MYO1E: variants seen among roughly 807,000 people sequenced by gnomAD.
The protein encoded by MYO1E is unconventional myosin-Ie.
A neutral mutation model predicts 151.1 loss-of-function variants in MYO1E; 68 were observed. The ratio of observed to expected loss-of-function variants is 0.45; its 90% confidence interval spans 0.37 to 0.55. MYO1E has a LOEUF of 0.55. Ranked by LOEUF, MYO1E falls within the 20% of genes least tolerant of loss-of-function variation. MYO1E has a pLI of 0.00. For synonymous variants in MYO1E, 601 were observed against 501.7 expected (o/e 1.20, Z -2.64); for missense variants, 1,363 against 1,389.3 (o/e 0.98, Z 0.30).
intron 4 of MYO1E, among the ~76,000 whole-genome samples, chr15:59,239,103 G>A (rs1273991306): frequency 6.6e-6 from 1 of 151,346 alleles, no homozygotes; most frequent in Admixed American, 6.6e-5. Flanking sequence ...CTACTCAGGA[G>A]GCTGAGGCAG....
Position 59,227,600 on chromosome 15 carries a change from A to C in MYO1E, c.511-10T>G. 1 of 1,614,064 alleles carries C rather than the reference A, an allele frequency of 6.2e-7. No individual in the cohort carries two copies. Among genetic ancestry groups the C allele is most frequent in the South Asian group, 1.1e-5 (1 of 91,086 alleles). On this transcript the variant is annotated splice_polypyrimidine_tract_variant and intron_variant, in intron 6 of 27. Transcript: ENST00000288235. ...TTTCAAAGTATTTTCCCTGCAAGAAAGTTAGGGATTTCCTTCAATGGTTGG... is the reference window on the plus strand; with the variant it reads ...TTTCAAAGTATTTTCCCTGCAAGAACGTTAGGGATTTCCTTCAATGGTTGG...
Position 59,163,217 on chromosome 15 carries a change from A to G in MYO1E, c.2567T>C (p.Leu856Pro). The part of the protein sequence containing the change: ...ESVFKTEFLS[L>P]LAKRYEEKTQ... ...CTTCTCCTCGTAACGCTTTGCTAAGAGGCTTAGGAATTCAGTTTTGAAGAC... is the reference window on the plus strand; with the variant it reads ...CTTCTCCTCGTAACGCTTTGCTAAGGGGCTTAGGAATTCAGTTTTGAAGAC... Residue 856 changes from leucine (L) to proline (P), a missense_variant, in exon 23 of 28, where the codon CTC becomes CCC. Leu to Pro is a moderately conservative substitution (Grantham distance 98). Transcript: ENST00000288235. The G allele has an allele frequency of 6.2e-7, 1 of 1,614,166 alleles. No homozygotes were observed. Among genetic ancestry groups the G allele is most frequent in the Non-Finnish European group, 8.5e-7 (1 of 1,179,998 alleles).
chr15:59,365,031 T>C (rs2080905234), intron 1 of MYO1E, among the ~76,000 whole-genome samples: 1 of 150,620 alleles, frequency 6.6e-6, no homozygotes, highest in Non-Finnish European at 1.5e-5. Flanking sequence ...AATTTCTTTT[T>C]CTTTTTTTTT....
intron 26 of MYO1E, among the ~76,000 whole-genome samples, chr15:59,141,738 C>T (rs1290166005): frequency 7.2e-6 from 1 of 139,000 alleles, no homozygotes; most frequent in African/African-American, 2.8e-5. Context: ...ATGGAGGTTA[C>T]AGTGAGTCGA....
chr15:59,160,110 A>G (rs1443649482), intron 24 of MYO1E, among the ~76,000 whole-genome samples: 1 of 152,200 alleles, frequency 6.6e-6, no homozygotes, highest in Non-Finnish European at 1.5e-5. Flanking sequence ...TGCAGGGATT[A>G]TAGGCATGAG....
intron 20 of MYO1E, 56 bp downstream of exon 20, chr15:59,174,070 G>A: frequency 1.3e-6 from 2 of 1,531,356 alleles, no homozygotes; most frequent in South Asian, 1.1e-5. Context: ...CTTCACTTAA[G>A]CTCCAATTTA....
intron 18 of MYO1E, among the ~76,000 whole-genome samples, chr15:59,182,955 G>C (rs190434542): frequency 3.9e-4 from 60 of 152,276 alleles, no homozygotes; most frequent in African/African-American, 1.4e-3. Context: ...CAAAAGGAGC[G>C]CACAAGCTAG....
Position 59,231,750 on chromosome 15 carries a change from C to T in MYO1E, c.462G>A (p.Glu154=). 2 of 1,614,182 alleles carry T rather than the reference C, an allele frequency of 1.2e-6. No individual in the cohort carries two copies. Among genetic ancestry groups the T allele is most frequent in the Non-Finnish European group, 1.7e-6 (2 of 1,180,040 alleles). The stretch of plus-strand genomic sequence containing the variant: ...GGACGGTCTTGGCGTTCCCGAAGGC[C>T]TCCAGCAGCGGGTTGGACTGCAGGA... ...DIILQSNPLL[E]AFGNAKTVRN... The change falls in exon 6 of 28, where the codon GAG becomes GAA. Residue 154 remains glutamate, a synonymous_variant. Coordinates refer to ENST00000288235, the MANE Select transcript of MYO1E (RefSeq NM_004998.4).
chr15:59,224,257 A>G (rs2079974531), intron 8 of MYO1E, among the ~76,000 whole-genome samples: 1 of 147,408 alleles, frequency 6.8e-6, no homozygotes, highest in Admixed American at 7.0e-5. Flanking sequence ...ACAGAGGGGA[A>G]GAGAGTCTTC....
Position 59,300,871 on chromosome 15 carries a change from T to C in MYO1E, c.4-28422A>G, listed in dbSNP as rs565793877. Reference sequence around the variant, plus strand: ...TTCTTTTTTTCCTTTTTTTTCTTTTTTTTTTTTTTTTTTTGAGACAGAGTA... The same window carrying C: ...TTCTTTTTTTCCTTTTTTTTCTTTTCTTTTTTTTTTTTTTGAGACAGAGTA... On this transcript the variant is annotated intron_variant, in intron 1 of 27. Coordinates refer to ENST00000288235, the MANE Select transcript of MYO1E (RefSeq NM_004998.4). 7.6e-4 allele frequency among the ~76,000 whole-genome samples: 111 copies of C among 146,880 alleles called. 1 individual carries two copies. The East Asian group carries it at 0.016, about 21-fold the overall frequency.
intron 10 of MYO1E, among the ~76,000 whole-genome samples, chr15:59,216,817 C>A (rs1278837081): frequency 6.6e-6 from 1 of 151,056 alleles, no homozygotes; most frequent in African/African-American, 2.4e-5. Flanking sequence ...GCCTCATTCC[C>A]CTCCCCTTAA....
At chr15:59,228,784 C>T (rs1458061410) in intron 6 of MYO1E, among the ~76,000 whole-genome samples, 3 of 152,156 alleles carry the variant, frequency 2.0e-5, no homozygotes, top group Non-Finnish European at 4.4e-5. Context: ...ATGTCTGTGA[C>T]TGGAGCTGTA....
At position 59,135,298 on chromosome 15, in the gene MYO1E, A is replaced by AATC. The variant is rs1228778670; in HGVS notation, c.*2079_*2081dup. 1 of 152,190 alleles carries AATC rather than the reference A, an allele frequency of 6.6e-6. No homozygotes were observed. The highest frequency in any genetic ancestry group is 2.4e-5 in the African/African-American group (1 of 41,432). The allele number at this position is 152,190 out of a possible 1,614,324, so 9.4% of individuals were successfully genotyped here. A position where few individuals can be genotyped will look rare whatever the true frequency, so the allele number is the denominator to read the frequency against. On this transcript the variant is annotated 3_prime_UTR_variant, in exon 28 of 28. Transcript: ENST00000288235. ...CAGTTACACACAAGTGTAAAATGCC[A>AATC]ATCAATCAATCAGGAGGAAAAACAA...
intron 22 of MYO1E, among the ~76,000 whole-genome samples, chr15:59,167,372 A>AT (rs1241551206): frequency 1.3e-5 from 2 of 151,986 alleles, no homozygotes; most frequent in Non-Finnish European, 2.9e-5. Flanking sequence ...AGACCCCCAA[A>AT]TAAGAGCTTC....
At chr15:59,348,921 G>T (rs1338202306) in intron 1 of MYO1E, 1 of 152,218 alleles carries the variant, frequency 6.6e-6, no homozygotes, top group Admixed American at 6.5e-5. Flanking sequence ...GTGAGCCACC[G>T]CACGCAGCCG....
rs774882160 is a variant in MYO1E at position 59,308,441 on chromosome 15, G to A, written c.4-35992C>T. ...AATCCCAGCACTTTGGGAGGCCAAG[G>A]CGGGTGGATCACCTGAGGTCAGCAG... On this transcript the variant is annotated intron_variant, in intron 1 of 27. Coordinates refer to ENST00000288235, the MANE Select transcript of MYO1E (RefSeq NM_004998.4). Among the ~76,000 whole-genome samples the A allele has an allele frequency of 9.9e-5, 15 of 152,030 alleles. No individual in the cohort carries two copies. The South Asian group carries it at 1.5e-3, about 15-fold the overall frequency.
intron 25 of MYO1E, among the ~76,000 whole-genome samples, chr15:59,157,056 C>T (rs1196449158): frequency 6.6e-6 from 1 of 150,930 alleles, no homozygotes; most frequent in Non-Finnish European, 1.5e-5. Flanking sequence ...GACTCCGTGT[C>T]TACAAAGAGT....
intron 9 of MYO1E, among the ~76,000 whole-genome samples, chr15:59,220,885 T>C (rs1489756495): frequency 7.8e-6 from 1 of 128,354 alleles, no homozygotes; most frequent in Non-Finnish European, 1.6e-5. Flanking sequence ...AGGCCAGAAA[T>C]TCGAGACCAG....
intron 4 of MYO1E, among the ~76,000 whole-genome samples, chr15:59,245,014 G>A (rs76480979): frequency 0.01 from 1,590 of 152,256 alleles, 34 homozygotes; most frequent in African/African-American, 0.036. Context: ...TACAGCCAGC[G>A]GCAGCCCCAT....
Sources: gnomAD v4.1 joint callset for allele counts (sites outside exome capture counted in the v4.1 genomes callset) on GRCh38, gnomAD v4.1.1 for gene constraint, MANE v1.5 for transcripts, NCBI Gene and HGNC (gene_info 2026-07-23, HGNC 2026-07-21) for gene names.